The following MBNL1 variants were observed in gnomAD, a reference collection of about 807,000 sequenced individuals.
MBNL1 encodes the protein muscleblind-like protein 1.
In MBNL1, 8 loss-of-function variants were observed where a neutral mutation model predicts 42.2. The observed-to-expected ratio is 0.19, with a 90% CI of 0.11 to 0.34. MBNL1 has a LOEUF of 0.34. Ranked by LOEUF, MBNL1 falls within the 10% of genes least tolerant of loss-of-function variation. The probability of loss-of-function intolerance (pLI) is 1.00; values close to 1 mark genes in which losing one functional copy is unlikely to be tolerated. For synonymous variants in MBNL1, 169 were observed against 173.9 expected (o/e 0.97, Z 0.22); for missense variants, 309 against 495.3 (o/e 0.62, Z 3.57).
At chr3:152,413,383 A>G (rs143877444) in intron 2 of MBNL1, among the ~76,000 whole-genome samples, 53 of 152,322 alleles carry the variant, frequency 3.5e-4, no homozygotes, top group African/African-American at 1.3e-3. Flanking sequence ...TGAGGCTTAC[A>G]GAAGTTAGCT....
chr3:152,262,564 T>C (rs373899969), intron 2 of MBNL1: 18 of 152,364 alleles, frequency 1.2e-4, no homozygotes, highest in African/African-American at 3.6e-4. Flanking sequence ...GACACTGCTA[T>C]TGGCATTGTC....
intron 2 of MBNL1, among the ~76,000 whole-genome samples, chr3:152,407,075 G>GTGTGTGTGTA (rs2098448565): frequency 6.6e-6 from 1 of 151,352 alleles, no homozygotes; most frequent in Admixed American, 6.6e-5. Context: ...GTGTGTGTTT[G>GTGTGTGTGTA]TGTGAACTTT....
chr3:152,383,396 C>T lies in MBNL1; in HGVS notation c.175-31545C>T, dbSNP rs1029944311. Among the ~76,000 whole-genome samples, 12 of 152,158 alleles carry T rather than the reference C, an allele frequency of 7.9e-5. No individual in the cohort carries two copies. In the East Asian group the frequency reaches 2.1e-3, roughly 27 times the overall value. On this transcript the variant is annotated intron_variant, in intron 2 of 9. Coordinates refer to ENST00000324210, the MANE Select transcript of MBNL1 (RefSeq NM_021038.5). ...CTGTAGCATACAGAGGTGTTTGTGTCATGCCTCACCACAGTTTAAGAGCTG... is the reference window on the plus strand; with the variant it reads ...CTGTAGCATACAGAGGTGTTTGTGTTATGCCTCACCACAGTTTAAGAGCTG...
intron 1 of MBNL1, among the ~76,000 whole-genome samples, chr3:152,270,017 G>A (rs766581896): frequency 6.6e-6 from 1 of 150,992 alleles, no homozygotes; most frequent in Non-Finnish European, 1.5e-5. Context: ...GCAGGTATAT[G>A]GTGGCGCTTA....
chr3:152,465,767 CTCTT>C lies in MBNL1; in HGVS notation c.*3406_*3409del, dbSNP rs1318309608. 1 of 152,262 alleles carries C rather than the reference CTCTT, an allele frequency of 6.6e-6. No individual in the cohort carries two copies. The highest frequency in any genetic ancestry group is 1.5e-5 in the Non-Finnish European group (1 of 68,018). 9.4% of individuals were successfully genotyped at this position (152,262 alleles called of 1,614,324 possible). On this transcript the variant is annotated 3_prime_UTR_variant, in exon 10 of 10. Coordinates refer to ENST00000324210, the MANE Select transcript of MBNL1 (RefSeq NM_021038.5). ...AAGTGAAATTGCCCTAATAAAACTT[CTCTT>C]TCTTAAGTATATTCGTGTATCTGAG...
intron 1 of MBNL1, 53 bp downstream of exon 1, chr3:152,269,145 G>T (rs748680453): frequency 1.3e-4 from 55 of 436,784 alleles, no homozygotes; most frequent in Non-Finnish European, 2.1e-4. Flanking sequence ...TCGGACTCCG[G>T]CGGGTCTGCC....
chr3:152,247,394 C>G (rs1282398170), intron 2 of MBNL1, among the ~76,000 whole-genome samples: 1 of 151,752 alleles, frequency 6.6e-6, no homozygotes, highest in Non-Finnish European at 1.5e-5. Context: ...AAAATATGAG[C>G]TATGACAGTA....
intron 2 of MBNL1, among the ~76,000 whole-genome samples, chr3:152,331,705 T>C (rs938618461): frequency 3.3e-5 from 5 of 152,112 alleles, no homozygotes; most frequent in African/African-American, 4.8e-5. Flanking sequence ...GATTGATTGA[T>C]TGATTGATTG....
At chr3:152,359,449 T>TG (rs570722152) in intron 2 of MBNL1, among the ~76,000 whole-genome samples, 128 of 152,246 alleles carry the variant, frequency 8.4e-4, no homozygotes, top group Non-Finnish European at 1.5e-3. Flanking sequence ...CCTGCTCTTA[T>TG]GGGGGTGGGG....
chr3:152,283,729 C>G (rs920412672), intron 1 of MBNL1, among the ~76,000 whole-genome samples: 2 of 152,174 alleles, frequency 1.3e-5, no homozygotes, highest in African/African-American at 4.8e-5. Flanking sequence ...CATCTTCTGC[C>G]AGCCCCATTA....
At chr3:152,281,691 G>C (rs2048574057) in intron 1 of MBNL1, among the ~76,000 whole-genome samples, 1 of 152,092 alleles carries the variant, frequency 6.6e-6, no homozygotes, top group Non-Finnish European at 1.5e-5. Context: ...CTGTTGGATG[G>C]CTTTGCTGAA....
At chr3:152,401,345 C>T (rs1210605163) in intron 2 of MBNL1, among the ~76,000 whole-genome samples, 1 of 152,128 alleles carries the variant, frequency 6.6e-6, no homozygotes, top group South Asian at 2.1e-4. Flanking sequence ...TGAAAGAAAA[C>T]TTCTTTAGTA....
chr3:152,432,424 T>TA, intron 3 of MBNL1, among the ~76,000 whole-genome samples: 1 of 152,232 alleles, frequency 6.6e-6, no homozygotes, highest in East Asian at 1.9e-4. Context: ...CTGCATAGTT[T>TA]ATCTATTTTT....
intron 3 of MBNL1, among the ~76,000 whole-genome samples, chr3:152,415,456 A>T (rs2098683796): frequency 1.3e-5 from 2 of 152,354 alleles, no homozygotes; most frequent in African/African-American, 4.8e-5. Flanking sequence ...CCACCTTCAG[A>T]GGTAATAATG....
chr3:152,310,142 C>T (rs1377534624), intron 2 of MBNL1, among the ~76,000 whole-genome samples: 5 of 152,134 alleles, frequency 3.3e-5, no homozygotes, highest in African/African-American at 9.7e-5. Flanking sequence ...AAAGACTATA[C>T]GTGCTTGTAT....
At chr3:152,357,858 C>G (rs1012283101) in intron 2 of MBNL1, among the ~76,000 whole-genome samples, 4 of 152,126 alleles carry the variant, frequency 2.6e-5, no homozygotes, top group African/African-American at 9.7e-5. Context: ...AAGGTTGGCT[C>G]ATGGCATGCA....
intron 2 of MBNL1, among the ~76,000 whole-genome samples, chr3:152,334,036 G>A (rs1000645785): frequency 2.6e-5 from 4 of 152,172 alleles, no homozygotes; most frequent in Admixed American, 6.5e-5. Flanking sequence ...GGGATAACAC[G>A]TATAAAGCAC....
intron 2 of MBNL1, among the ~76,000 whole-genome samples, chr3:152,406,469 T>A (rs2098429695): frequency 6.6e-6 from 1 of 152,156 alleles, no homozygotes; most frequent in Admixed American, 6.5e-5. Context: ...AAAAGTGGTA[T>A]TTTTTGTCAC....
intron 4 of MBNL1, among the ~76,000 whole-genome samples, chr3:152,442,369 A>C (rs916617967): frequency 6.6e-6 from 1 of 152,240 alleles, no homozygotes; most frequent in Non-Finnish European, 1.5e-5. Flanking sequence ...TTGAGCATAA[A>C]AGATCACCAA....
Sources: gnomAD v4.1 joint callset for allele counts (sites outside exome capture counted in the v4.1 genomes callset) on GRCh38, gnomAD v4.1.1 for gene constraint, MANE v1.5 for transcripts, NCBI Gene and HGNC (gene_info 2026-07-23, HGNC 2026-07-21) for gene names.